Variants in KDM2B observed in about 807,000 individuals in gnomAD.
KDM2B encodes the protein lysine demethylase 2B.
KDM2B carries 26 observed loss-of-function variants against 150.0 expected under a neutral mutation model. The ratio of observed to expected loss-of-function variants is 0.17; its 90% CI spans 0.13 to 0.24. The LOEUF (loss-of-function observed/expected upper bound fraction) is 0.24. Among genes scored for constraint, KDM2B ranks in the 10% least tolerant of loss-of-function variants. The pLI, the probability that KDM2B is intolerant of heterozygous loss-of-function variation, is 1.00. For synonymous variants in KDM2B, 734 were observed against 729.5 expected, an observed-to-expected ratio of 1.01 and a Z score of -0.10; for missense variants, 1,265 against 1,816.9, an observed-to-expected ratio of 0.70 and a Z score of 5.52.
At chr12:121,570,199 G>A (rs1555315709) in intron 4 of KDM2B, among the ~76,000 whole-genome samples, 2 of 151,962 alleles carry the variant, frequency 1.3e-5, no homozygotes, top group South Asian at 2.1e-4. Context: ...ACAGGTGCCC[G>A]CCACCATGAC....
chr12:121,484,256 G>T (rs782204745), intron 12 of KDM2B, among the ~76,000 whole-genome samples: 1 of 152,184 alleles, frequency 6.6e-6, no homozygotes, highest in Non-Finnish European at 1.5e-5. Context: ...ACTGGAACGC[G>T]TCAGCTCAGG....
chr12:121,448,125 C>T (rs1476293510), intron 13 of KDM2B, among the ~76,000 whole-genome samples: 2 of 151,730 alleles, frequency 1.3e-5, no homozygotes, highest in Non-Finnish European at 2.9e-5. Context: ...TTGAGACTAG[C>T]CTGGGCAACG....
Position 121,467,087 on chromosome 12 carries a change from C to G in KDM2B, c.1735-13743G>C. ...GCGGCGGCGGCGTCGCGGCCGCCCT[C>G]GGCGCGTCAGACAGGCGGTCGGGAG... On this transcript the variant is annotated intron_variant, in intron 12 of 22. Coordinates refer to ENST00000377071, the MANE Select transcript of KDM2B (RefSeq NM_032590.5). This position sits in a 1 kb window ranked among gnomAD's most constrained non-coding sequence, Gnocchi z 5.1. The G allele has an allele frequency of 1.1e-6, 1 of 945,058 alleles. No individual in the cohort carries two copies. The highest frequency in any genetic ancestry group is 1.3e-6 in the Non-Finnish European group (1 of 755,580). The allele number at this position is 945,058 out of a possible 1,614,324, so 58.5% of individuals were successfully genotyped here. A position where few individuals can be genotyped will look rare whatever the true frequency, so the allele number is the denominator to read the frequency against.
At chr12:121,563,468 G>A (rs572602213) in intron 4 of KDM2B, among the ~76,000 whole-genome samples, 19 of 151,078 alleles carry the variant, frequency 1.3e-4, no homozygotes, top group East Asian at 5.9e-4. Context: ...TTAGCCGGGC[G>A]TGGCGGCGGC....
intron 1 of KDM2B, 42 bp downstream of exon 1, chr12:121,580,744 C>A: frequency 6.2e-7 from 1 of 1,608,126 alleles, no homozygotes; most frequent in Non-Finnish European, 8.5e-7. Context: ...CCCAGGGCTA[C>A]CCCTCTTCCT....
chr12:121,542,601 A>C (rs1555309944), intron 6 of KDM2B, among the ~76,000 whole-genome samples: 1 of 152,260 alleles, frequency 6.6e-6, no homozygotes, highest in Non-Finnish European at 1.5e-5. Flanking sequence ...TTATACAGCA[A>C]TAAGCAACTA....
intron 2 of KDM2B, among the ~76,000 whole-genome samples, chr12:121,578,578 T>C (rs1891690374): frequency 6.6e-6 from 1 of 151,766 alleles, no homozygotes; most frequent in Admixed American, 6.6e-5. Context: ...CTGGGGCTGG[T>C]GGTGGGCGCG....
At chr12:121,473,994 T>C (rs1245578712) in intron 12 of KDM2B, among the ~76,000 whole-genome samples, 4 of 152,122 alleles carry the variant, frequency 2.6e-5, no homozygotes, top group Admixed American at 2.6e-4. Flanking sequence ...GTCCACATAT[T>C]GTATGATGCC....
intron 12 of KDM2B, among the ~76,000 whole-genome samples, chr12:121,476,454 C>T (rs1213545038): frequency 4.6e-5 from 7 of 151,466 alleles, no homozygotes; most frequent in Non-Finnish European, 7.4e-5. Context: ...AGACAAGCGG[C>T]ATCCAACAGG....
chr12:121,518,412 A>G lies in KDM2B; in HGVS notation c.1047+2573T>C, dbSNP rs920032962. ...ACCAGAAATCAAGGCAGATTAAACA[A>G]CCTGCCGCTGCTCCCAGCCCAGTCT... On this transcript the variant is annotated intron_variant, in intron 9 of 22. Coordinates refer to ENST00000377071, the MANE Select transcript of KDM2B (RefSeq NM_032590.5). The surrounding 1 kb of genome is among the most constrained non-coding windows in gnomAD (Gnocchi z 4.4). 6.6e-6 allele frequency among the ~76,000 whole-genome samples: 1 copy of G among 151,942 alleles called. No individual in the cohort carries two copies. The highest frequency in any genetic ancestry group is 2.4e-5 in the African/African-American group (1 of 41,338).
intron 12 of KDM2B, among the ~76,000 whole-genome samples, chr12:121,492,578 G>C (rs918036578): frequency 1.3e-5 from 2 of 151,908 alleles, no homozygotes; most frequent in Non-Finnish European, 2.9e-5. Context: ...AAAGTACTGG[G>C]ATTACAGGCG....
Position 121,430,113 on chromosome 12 carries a change from G to C in KDM2B, c.*175C>G. The C allele has an allele frequency of 6.2e-7, 1 of 1,610,832 alleles. No homozygotes were observed. Among genetic ancestry groups the C allele is most frequent in the Non-Finnish European group, 8.5e-7 (1 of 1,177,012 alleles). On this transcript the variant is annotated 3_prime_UTR_variant, in exon 23 of 23. Coordinates refer to ENST00000377071, the MANE Select transcript of KDM2B (RefSeq NM_032590.5). This position sits in a 1 kb window ranked among gnomAD's most constrained non-coding sequence, Gnocchi z 4.4. ...TTCAGAAAGACCAAAGGAAAGTGTC[G>C]GCTCACTCATCCCCCAAACGGGTGG...
chr12:121,471,678 C>T (rs1003680285), intron 12 of KDM2B, among the ~76,000 whole-genome samples: 8 of 152,152 alleles, frequency 5.3e-5, no homozygotes, highest in Admixed American at 2.0e-4. Flanking sequence ...GGCTCTCCAG[C>T]GTGAAACCCC....
At chr12:121,420,782 G>A in the KDM2B span, 2 of 1,605,226 alleles carry the variant, frequency 1.2e-6, no homozygotes, top group East Asian at 2.2e-5. Flanking sequence ...AAGTCCTGTA[G>A]GTTTATCTTT....
rs1877775285 is a variant in KDM2B, at chr12:121,453,912, C to G, written c.1735-568G>C. On this transcript the variant is annotated intron_variant, in intron 12 of 22. Coordinates refer to ENST00000377071, the MANE Select transcript of KDM2B (RefSeq NM_032590.5). This position sits in a 1 kb window ranked among gnomAD's most constrained non-coding sequence, Gnocchi z 6.4. ...CACAGCTCGAGACCTTCCATGGCTG[C>G]ACCCACAGGCTCGGACCCTGCCCAC... is the stretch of plus-strand genomic sequence containing the variant. Among the ~76,000 whole-genome samples the G allele has an allele frequency of 6.6e-6, 1 of 152,184 alleles. No individual in the cohort carries two copies. The highest frequency in any genetic ancestry group is 2.1e-4 in the South Asian group (1 of 4,834).
chr12:121,474,068 G>A (rs1423087963), intron 12 of KDM2B, among the ~76,000 whole-genome samples: 1 of 152,200 alleles, frequency 6.6e-6, no homozygotes, highest in Non-Finnish European at 1.5e-5. Context: ...GCGGTTGCCA[G>A]GGACCAGGGG....
At chr12:121,423,443 T>C in the KDM2B span, 1 of 1,613,384 alleles carries the variant, frequency 6.2e-7, no homozygotes, top group Non-Finnish European at 8.5e-7. This position sits in a 1 kb window ranked among gnomAD's most constrained non-coding sequence, Gnocchi z 4.3. Context: ...CGCATCTGCA[T>C]GGATGCCGTC....
downstream of KDM2B, among the ~76,000 whole-genome samples, chr12:121,427,308 CCAG>C (rs1316433025): frequency 6.6e-6 from 1 of 152,110 alleles, no homozygotes; most frequent in African/African-American, 2.4e-5. Context: ...GAGGCTGAGA[CCAG>C]CAGATCACCT....
At position 121,468,761 on chromosome 12, in the gene KDM2B, G is replaced by A. The variant is rs1555295369; in HGVS notation, c.1735-15417C>T. On this transcript the variant is annotated intron_variant, in intron 12 of 22. Coordinates refer to ENST00000377071, the MANE Select transcript of KDM2B (RefSeq NM_032590.5). The surrounding 1 kb of genome is among the most constrained non-coding windows in gnomAD (Gnocchi z 4.0). ...GTAAACAAAACTCAGGAGGCTTCTA[G>A]CAGAGTCGGCAAAAGTGAATAAGCA... 6.6e-6 allele frequency: 1 copy of A among 152,226 alleles called. No homozygotes were observed. The highest frequency in any genetic ancestry group is 2.4e-5 in the African/African-American group (1 of 41,446). The allele number at this position is 152,226 out of a possible 1,614,324, so 9.4% of individuals were successfully genotyped here.
Sources: allele counts gnomAD v4.1 joint callset (sites outside exome capture counted in the v4.1 genomes callset), GRCh38; gene constraint gnomAD v4.1.1; non-coding constraint Gnocchi (gnomAD v3.1); transcripts MANE v1.5; gene names NCBI Gene and HGNC (gene_info 2026-07-23, HGNC 2026-07-21).